Variants in ETV3L observed in about 807,000 individuals in gnomAD.
The protein encoded by ETV3L is ETS translocation variant 3-like protein.
In ETV3L, 30 loss-of-function variants were observed where a neutral mutation model predicts 27.6. That is an observed-to-expected ratio of 1.09 (90% CI 0.81 to 1.48). ETV3L has a LOEUF of 1.48. Ranked by LOEUF, ETV3L falls within the 40% of genes most tolerant of loss-of-function variation. The pLI is 0.00. For missense variants in ETV3L, 443 were observed against 455.6 expected (o/e 0.97, Z 0.25); for synonymous variants, 186 against 188.9 (o/e 0.98, Z 0.12).
chr1:157,099,418 C>T (rs1354945335), intron 1 of ETV3L, 40 bp from the exon 2 acceptor site: 5 of 1,613,938 alleles, frequency 3.1e-6, no homozygotes, highest in Middle Eastern at 1.6e-4. Flanking sequence ...GGAGGCCCTG[C>T]CCTAGGCCAC....
chr1:157,095,805 G>A (rs184598070), intron 4 of ETV3L, among the ~76,000 whole-genome samples: 186 of 152,240 alleles, frequency 1.2e-3, no homozygotes, highest in Non-Finnish European at 2.1e-3. Flanking sequence ...GCAGAGCTTG[G>A]GCCCCCAGCA....
At chr1:157,097,243 C>A (rs1017847215) in intron 4 of ETV3L, among the ~76,000 whole-genome samples, 1 of 151,852 alleles carries the variant, frequency 6.6e-6, no homozygotes, top group Non-Finnish European at 1.5e-5. Context: ...GAGGCTGAGG[C>A]GGGTGGATCA....
chr1:157,099,535 G>A lies in ETV3L; in HGVS notation c.-12C>T. 1.9e-6 allele frequency: 3 copies of A among 1,603,656 alleles called. No individual in the cohort carries two copies. Among genetic ancestry groups the A allele is most frequent in the Non-Finnish European group, 2.6e-6 (3 of 1,175,152 alleles). On this transcript the variant is annotated 5_prime_UTR_variant, in exon 1 of 5. Coordinates refer to ENST00000454449, the MANE Select transcript of ETV3L (RefSeq NM_001004341.2). The stretch of plus-strand genomic sequence containing the variant: ...CAGCTGCAGTGCATGGTCCACTCCG[G>A]CGAGATGGGCTGTGTCTGGGCCTTG...
At chr1:157,095,641 G>A (rs574897335) in intron 4 of ETV3L, among the ~76,000 whole-genome samples, 71 of 147,176 alleles carry the variant, frequency 4.8e-4, no homozygotes, top group African/African-American at 1.6e-3. Flanking sequence ...TCTGCCCAAG[G>A]CATTCCCAGA....
In ETV3L at chr1:157,093,175, GA is replaced by G. The variant is rs1186120252; in HGVS notation, c.608-49del. The G allele has an allele frequency of 1.9e-5, 25 of 1,306,310 alleles. No individual in the cohort carries two copies. The Admixed American group carries it at 7.7e-4, about 40-fold the overall frequency. The allele number at this position is 1,306,310 out of a possible 1,614,324, so 80.9% of individuals were successfully genotyped here. ...GGTCAAGGGAGCCCAACCTCTCGCA[GA>G]TGCTCCTTGCTCCTCCCATTTCCCA... On this transcript the variant is annotated intron_variant, in intron 4 of 4. Transcript: ENST00000454449.
chr1:157,098,087 A>C, intron 3 of ETV3L, 99 bp from the exon 4 acceptor site: 1 of 1,366,164 alleles, frequency 7.3e-7, no homozygotes, highest in Non-Finnish European at 9.7e-7. Flanking sequence ...AAACAATGAA[A>C]TACTCTCATA....
chr1:157,097,767 G>A, intron 4 of ETV3L, 101 bp downstream of exon 4: 1 of 1,402,498 alleles, frequency 7.1e-7, no homozygotes, highest in Non-Finnish European at 9.8e-7. Flanking sequence ...GAGTTACATA[G>A]TATCCCTTGT....
rs754408912 is a variant in ETV3L at position 157,092,856 on chromosome 1, T to C, written c.879A>G (p.Gly293=). The change falls in exon 5 of 5, where the codon GGA becomes GGG. Residue 293 remains glycine (G), a synonymous_variant. Coordinates refer to ENST00000454449, the MANE Select transcript of ETV3L (RefSeq NM_001004341.2). The part of the protein sequence containing the change: ...FPGLPLLAGL[G]QGAGERLWLL... ...GCCAAAGCCTCTCACCCGCACCCTGTCCCAGCCCTGCCAAGAGAGGAAGCC... is the reference window on the plus strand; with the variant it reads ...GCCAAAGCCTCTCACCCGCACCCTGCCCCAGCCCTGCCAAGAGAGGAAGCC... The C allele has an allele frequency of 1.1e-5, 18 of 1,613,862 alleles. No individual in the cohort carries two copies.
rs764035545 is a variant in ETV3L, at chr1:157,092,632, C to T, written c.*17G>A. On this transcript the variant is annotated 3_prime_UTR_variant, in exon 5 of 5. Coordinates refer to ENST00000454449, the MANE Select transcript of ETV3L (RefSeq NM_001004341.2). ...ACTTTGGAGGACTCCTCCCCAACTT[C>T]CCACCTTCCTCTCTAGTTAAGGAGG... The T allele has an allele frequency of 3.2e-6, 5 of 1,571,194 alleles. No individual in the cohort carries two copies. In the South Asian group the frequency reaches 4.8e-5, roughly 15 times the overall value.
In ETV3L at chr1:157,092,571, G is replaced by T; in HGVS notation, c.*78C>A. 1 of 1,272,078 alleles carries T rather than the reference G, an allele frequency of 7.9e-7. No individual in the cohort carries two copies. 78.8% of individuals were successfully genotyped at this position (1,272,078 alleles called of 1,614,324 possible). ...CAGCCCATGTCCAGCCAGGGGAAGG[G>T]GCTAACCCAGAGGCGGTGGGCAAGA... is the stretch of plus-strand genomic sequence containing the variant. On this transcript the variant is annotated 3_prime_UTR_variant, in exon 5 of 5. Transcript: ENST00000454449.
At chr1:157,098,996 G>A in intron 2 of ETV3L, 101 bp from the exon 3 acceptor site, 1 of 1,487,876 alleles carries the variant, frequency 6.7e-7, no homozygotes, top group Non-Finnish European at 9.2e-7. Flanking sequence ...ACCCTAAGCT[G>A]TTCCCCGAGA....
chr1:157,097,381 G>A (rs1410789392), intron 4 of ETV3L, among the ~76,000 whole-genome samples: 4 of 145,878 alleles, frequency 2.7e-5, no homozygotes, highest in African/African-American at 7.7e-5. Context: ...GCTGAGGCAT[G>A]AGAATCACTT....
intron 4 of ETV3L, among the ~76,000 whole-genome samples, chr1:157,097,148 G>C: frequency 6.6e-6 from 1 of 151,922 alleles, no homozygotes; most frequent in East Asian, 2.0e-4. Flanking sequence ...CTCCAGATTT[G>C]CTACACTTGT....
chr1:157,092,743 C>T lies in ETV3L; in HGVS notation c.992G>A (p.Cys331Tyr). 1.2e-6 allele frequency: 2 copies of T among 1,614,166 alleles called. No homozygotes were observed. ...AGTTTTGAGTCTGCGGGTCTCTGGGCAGAAGACCTCCCTGGGATCCAGGCC... is the reference window on the plus strand; with the variant it reads ...AGTTTTGAGTCTGCGGGTCTCTGGGTAGAAGACCTCCCTGGGATCCAGGCC... The part of the protein sequence containing the change: ...KGGLDPREVF[C>Y]PETRRLKTGE... Residue 331 changes from cysteine to tyrosine, a missense_variant, in exon 5 of 5, where the codon TGC becomes TAC. Cys to Tyr is a radical substitution (Grantham distance 194). Coordinates refer to ENST00000454449, the MANE Select transcript of ETV3L (RefSeq NM_001004341.2).
In ETV3L at chr1:157,092,614, A is replaced by G; in HGVS notation, c.*35T>C. 6.5e-7 allele frequency: 1 copy of G among 1,531,852 alleles called. No homozygotes were observed. The highest frequency in any genetic ancestry group is 8.9e-7 in the Non-Finnish European group (1 of 1,128,828). 94.9% of individuals were successfully genotyped at this position (1,531,852 alleles called of 1,614,324 possible). A position where few individuals can be genotyped will look rare whatever the true frequency, so the allele number is the denominator to read the frequency against. On this transcript the variant is annotated 3_prime_UTR_variant, in exon 5 of 5. Coordinates refer to ENST00000454449, the MANE Select transcript of ETV3L (RefSeq NM_001004341.2). ...GGGCAAGAGGAGAGATGGACTTTGG[A>G]GGACTCCTCCCCAACTTCCCACCTT...
Position 157,099,337 on chromosome 1 carries a change from G to A in ETV3L, c.100C>T (p.Pro34Ser). The change falls in exon 2 of 5, where the codon CCA becomes TCA. Residue 34 changes from proline (P) to serine (S), a missense_variant. By Grantham distance (74) the Pro-to-Ser change is moderately conservative (BLOSUM62 -1). Transcript: ENST00000454449. ...PDWAYKAESSPGSRQIQLWHF... is the reference protein window; with the variant it reads ...PDWAYKAESSSGSRQIQLWHF... ...CACAGCTGGATCTGCCGGGAGCCTG[G>A]GGACGACTCGGCTTTGTAGGCCCAA... The A allele has an allele frequency of 6.2e-7, 1 of 1,614,170 alleles. No homozygotes were observed. Among genetic ancestry groups the A allele is most frequent in the Non-Finnish European group, 8.5e-7 (1 of 1,180,034 alleles).
chr1:157,099,151 G>T lies in ETV3L; in HGVS notation c.286C>A (p.Arg96=), dbSNP rs757496608. ...GCCGCCTCCTCTCACCTGAGGGCCC[G>T]GCTCAGCTTGTCATAATTCATCTGT... ...KPQMNYDKLS[R]ALRYYYNKRI... is the part of the protein sequence containing the mutation. The change falls in exon 2 of 5, where the codon CGG becomes AGG. Residue 96 remains arginine, a synonymous_variant. Transcript: ENST00000454449. 2 of 1,613,856 alleles carry T rather than the reference G, an allele frequency of 1.2e-6. No individual in the cohort carries two copies. Among genetic ancestry groups the T allele is most frequent in the Non-Finnish European group, 1.7e-6 (2 of 1,179,866 alleles).
chr1:157,092,757 G>C lies in ETV3L; in HGVS notation c.978C>G (p.Pro326=), dbSNP rs1260031265. Residue 326 remains proline (P), a synonymous_variant, in exon 5 of 5, where the codon CCC becomes CCG. Coordinates refer to ENST00000454449, the MANE Select transcript of ETV3L (RefSeq NM_001004341.2). The part of the protein sequence containing the change: ...PMMEAKGGLD[P]REVFCPETRR... Reference sequence around the variant, plus strand: ...GGGTCTCTGGGCAGAAGACCTCCCTGGGATCCAGGCCTCCCTTTGCCTCCA... The same window carrying C: ...GGGTCTCTGGGCAGAAGACCTCCCTCGGATCCAGGCCTCCCTTTGCCTCCA... The C allele has an allele frequency of 3.1e-6, 5 of 1,614,136 alleles. No homozygotes were observed. Among genetic ancestry groups the C allele is most frequent in the Admixed American group, 3.3e-5 (2 of 60,014 alleles).
In ETV3L at chr1:157,092,883, T is replaced by A. The variant is rs770948021; in HGVS notation, c.852A>T (p.Pro284=). 1.2e-5 allele frequency: 20 copies of A among 1,613,764 alleles called. No individual in the cohort carries two copies. The Admixed American group carries it at 2.2e-4, about 17-fold the overall frequency. ...PRSLPGAWHF[P]GLPLLAGLGQ... ...CCAGCCCTGCCAAGAGAGGAAGCCC[T>A]GGAAAATGCCAGGCCCCTGGGAGGC... Residue 284 remains proline (P), a synonymous_variant, in exon 5 of 5, where the codon CCA becomes CCT. Transcript: ENST00000454449.
Sources: gnomAD v4.1 joint callset for allele counts (sites outside exome capture counted in the v4.1 genomes callset) on GRCh38, gnomAD v4.1.1 for gene constraint, MANE v1.5 for transcripts, NCBI Gene and HGNC (gene_info 2026-07-23, HGNC 2026-07-21) for gene names.